The following IQSEC1 variants were observed in gnomAD, a reference collection of about 807,000 sequenced individuals.
The protein encoded by IQSEC1 is IQ motif and Sec7 domain ArfGEF 1, also known as IQ motif and SEC7 domain-containing protein 1.
A neutral mutation model predicts 91.0 loss-of-function variants in IQSEC1; 31 were observed. That is an observed-to-expected ratio of 0.34 (90% CI 0.26 to 0.46). The LOEUF (loss-of-function observed/expected upper bound fraction) is 0.46, where lower values mean the gene tolerates loss of function less well. Among genes scored for constraint, IQSEC1 ranks in the 20% least tolerant of loss-of-function variants. The pLI is 1.00. For synonymous variants in IQSEC1, 699 were observed against 662.6 expected, an observed-to-expected ratio of 1.05 and a Z score of -0.84; for missense variants, 1,388 against 1,575.6, an observed-to-expected ratio of 0.88 and a Z score of 2.02.
At chr3:12,957,367 C>T (rs1256697387) in intron 1 of IQSEC1, among the ~76,000 whole-genome samples, 6 of 152,170 alleles carry the variant, frequency 3.9e-5, no homozygotes, top group Non-Finnish European at 5.9e-5. Context: ...TCTGAGTGCA[C>T]GGAGATGACC....
rs779327139 is a variant in IQSEC1 at position 12,899,404 on chromosome 3, C to T, written c.*1579G>A. ...GGTCCCATGGCTTAGGAGCACAGCA[C>T]TGACGGCTGCAGTGGCTCGAAAGGC... On this transcript the variant is annotated 3_prime_UTR_variant, in exon 14 of 14. Transcript: ENST00000613206. The T allele has an allele frequency of 1.5e-5, 25 of 1,613,104 alleles. No individual in the cohort carries two copies. The highest frequency in any genetic ancestry group is 2.0e-5 in the Non-Finnish European group (24 of 1,179,860).
Position 12,900,443 on chromosome 3 carries a change from C to T in IQSEC1, c.*540G>A, listed in dbSNP as rs916124040. ...GCCTGCCTTTCACACACAAGTACTA[C>T]CTATACAGTATATATATATATATAT... On this transcript the variant is annotated 3_prime_UTR_variant, in exon 14 of 14. Coordinates refer to ENST00000613206, the MANE Select transcript of IQSEC1 (RefSeq NM_001134382.3). The T allele has an allele frequency of 2.4e-6, 2 of 825,210 alleles. No individual in the cohort carries two copies. The highest frequency in any genetic ancestry group is 2.9e-6 in the Non-Finnish European group (2 of 686,238). 51.1% of individuals were successfully genotyped at this position (825,210 alleles called of 1,614,324 possible).
chr3:13,109,715 C>T lies in IQSEC1; in HGVS notation c.302+54389G>A, dbSNP rs950844159. Among the ~76,000 whole-genome samples, 6 of 151,948 alleles carry T rather than the reference C, an allele frequency of 3.9e-5. No homozygotes were observed. The East Asian group carries it at 7.7e-4, about 20-fold the overall frequency. The stretch of plus-strand genomic sequence containing the variant: ...CACCTTCCACCATGAGTGGAAGCTC[C>T]CTGAGGCCTCCCTAGAAGCTGAGCA... On this transcript the variant is annotated intron_variant, in intron 2 of 15. Coordinates refer to the IQSEC1 transcript ENST00000648114.
rs10707484 is a variant in IQSEC1, at chr3:12,978,704, C to CA, written c.24-36840dup. 6.7e-3 allele frequency among the ~76,000 whole-genome samples: 953 copies of CA among 141,602 alleles called. 6 individuals carry two copies. Among genetic ancestry groups the CA allele is most frequent in the South Asian group, 0.012 (54 of 4,582 alleles). The allele number at this position is 141,602 out of a possible 152,430, so 92.9% of individuals were successfully genotyped here. On this transcript the variant is annotated intron_variant, in intron 1 of 13. Coordinates refer to ENST00000613206, the MANE Select transcript of IQSEC1 (RefSeq NM_001134382.3). Reference sequence around the variant, plus strand: ...TGGGCAATAGAGCGAGGCTCAGTCTCAAAAAAAAAAATAAATAAATAAAAA... The same window carrying CA: ...TGGGCAATAGAGCGAGGCTCAGTCTCAAAAAAAAAAAATAAATAAATAAAAA...
chr3:13,236,359 C>G (rs1160561963), intron 1 of IQSEC1, among the ~76,000 whole-genome samples: 1 of 152,242 alleles, frequency 6.6e-6, no homozygotes, highest in African/African-American at 2.4e-5. Context: ...GGAAACTGTT[C>G]TGACAACCCC....
chr3:12,902,691 AAAACCAGGAC>A, intron 13 of IQSEC1, 72 bp downstream of exon 13: 1 of 720,600 alleles, frequency 1.4e-6, no homozygotes, highest in South Asian at 1.9e-5. Flanking sequence ...AAAAAAAAAA[AAAACCAGGAC>A]AACAGATATG....
intron 3 of IQSEC1, among the ~76,000 whole-genome samples, chr3:12,933,240 C>T (rs532066280): frequency 1.3e-5 from 2 of 152,356 alleles, no homozygotes; most frequent in Admixed American, 1.3e-4. Context: ...CCAGCAATTC[C>T]ACTTCCAGCC....
intron 2 of IQSEC1, among the ~76,000 whole-genome samples, chr3:13,143,873 A>AT (rs1161522340): frequency 3.9e-5 from 6 of 152,080 alleles, no homozygotes; most frequent in Admixed American, 1.3e-4. Context: ...CTGCCCTTAG[A>AT]TTTTTTAGTT....
chr3:12,969,701 G>A (rs1047237814), intron 1 of IQSEC1, among the ~76,000 whole-genome samples: 3 of 152,180 alleles, frequency 2.0e-5, no homozygotes, highest in African/African-American at 7.2e-5. Context: ...CTCACCATCC[G>A]GATTGTCCAA....
At chr3:13,228,791 C>T (rs948479664) in intron 1 of IQSEC1, among the ~76,000 whole-genome samples, 4 of 152,152 alleles carry the variant, frequency 2.6e-5, no homozygotes, top group Admixed American at 6.5e-5. Context: ...ACATGCTGTT[C>T]CTGCTGCTGG....
intron 6 of IQSEC1, among the ~76,000 whole-genome samples, chr3:12,918,329 A>C (rs957381800): frequency 4.6e-5 from 7 of 152,148 alleles, no homozygotes; most frequent in South Asian, 2.1e-4. Flanking sequence ...TCATCCAGAG[A>C]ACTGGCAGTA....
intron 1 of IQSEC1, among the ~76,000 whole-genome samples, chr3:12,988,687 G>A (rs1287959322): frequency 2.6e-5 from 4 of 152,300 alleles, no homozygotes; most frequent in Non-Finnish European, 4.4e-5. Context: ...AGGCTGGGGA[G>A]GGGCACACGG....
At chr3:13,202,855 T>C (rs896069618) in intron 1 of IQSEC1, among the ~76,000 whole-genome samples, 9 of 152,184 alleles carry the variant, frequency 5.9e-5, no homozygotes, top group Non-Finnish European at 8.8e-5. Context: ...GAAAGAGTCA[T>C]ATCACACTGT....
At chr3:13,227,244 C>T (rs373965938) in intron 1 of IQSEC1, among the ~76,000 whole-genome samples, 13 of 151,768 alleles carry the variant, frequency 8.6e-5, no homozygotes, top group African/African-American at 2.9e-4. Context: ...GGCATGGTGG[C>T]GGGCGCCTAT....
intron 2 of IQSEC1, among the ~76,000 whole-genome samples, chr3:13,111,796 C>T (rs570733294): frequency 1.3e-5 from 2 of 152,194 alleles, no homozygotes; most frequent in Non-Finnish European, 2.9e-5. Context: ...GAAAAAGGCA[C>T]TCGCCAGGAA....
chr3:13,213,704 C>T (rs1030065590), intron 1 of IQSEC1, among the ~76,000 whole-genome samples: 8 of 152,172 alleles, frequency 5.3e-5, no homozygotes, highest in Non-Finnish European at 8.8e-5. Flanking sequence ...AAGCAATTAC[C>T]ACCACATGAC....
intron 2 of IQSEC1, among the ~76,000 whole-genome samples, chr3:13,129,572 T>C (rs1706572076): frequency 6.6e-6 from 1 of 152,144 alleles, no homozygotes; most frequent in Admixed American, 6.5e-5. Context: ...CTAGGTTCAT[T>C]GATCTGAGAT....
chr3:13,168,114 A>T (rs1440913596), intron 1 of IQSEC1, among the ~76,000 whole-genome samples: 5 of 152,180 alleles, frequency 3.3e-5, no homozygotes, highest in Non-Finnish European at 7.4e-5. Context: ...GGGACATCCA[A>T]GCTCGGTCCT....
chr3:13,069,757 C>T (rs1192411464), intron 1 of IQSEC1, among the ~76,000 whole-genome samples: 1 of 152,134 alleles, frequency 6.6e-6, no homozygotes, highest in Non-Finnish European at 1.5e-5. Context: ...CAGAGGGGCC[C>T]CTTGCAGAGA....
Sources: allele counts gnomAD v4.1 joint callset (sites outside exome capture counted in the v4.1 genomes callset), GRCh38; gene constraint gnomAD v4.1.1; transcripts MANE v1.5; gene names NCBI Gene and HGNC (gene_info 2026-07-23, HGNC 2026-07-21).